Variants in ZNF90 observed in about 807,000 individuals in gnomAD.
ZNF90 encodes zinc finger protein 90, also known as zinc finger protein HTF9.
In ZNF90, 11 loss-of-function variants were observed where a neutral mutation model predicts 12.0. The ratio of observed to expected loss-of-function variants is 0.92; its 90% confidence interval spans 0.58 to 1.52. ZNF90 has a LOEUF of 1.52. ZNF90 is among the 40% of genes most tolerant of loss of function. ZNF90 has a pLI of 0.00. For missense variants in ZNF90, 765 were observed against 711.5 expected, an observed-to-expected ratio of 1.08 and a Z score of -0.86; for synonymous variants, 232 against 240.1, an observed-to-expected ratio of 0.97 and a Z score of 0.31.
intron 1 of ZNF90, among the ~76,000 whole-genome samples, chr19:20,084,561 G>A (rs188889370): frequency 1.3e-4 from 20 of 152,224 alleles, no homozygotes; most frequent in African/African-American, 3.4e-4. Flanking sequence ...GTGAGGAATC[G>A]CCACACTGCT....
chr19:20,118,029 A>T lies in ZNF90; in HGVS notation c.475A>T (p.Asn159Tyr). The T allele has an allele frequency of 6.2e-7, 1 of 1,611,992 alleles. No individual in the cohort carries two copies. Among genetic ancestry groups the T allele is most frequent in the Non-Finnish European group, 8.5e-7 (1 of 1,178,916 alleles). The change falls in exon 4 of 4, where the codon AAT becomes TAT. Residue 159 changes from asparagine to tyrosine, a missense_variant. Transcript: ENST00000418063. ...TGTGAAAGTCTCTCATATATTTTCAAATTCAAACAGACATAAGATAAGAGA... is the reference window on the plus strand; with the variant it reads ...TGTGAAAGTCTCTCATATATTTTCATATTCAAACAGACATAAGATAAGAGA... Reference protein sequence around the residue: ...TYVKVSHIFSNSNRHKIRDTG... With the variant: ...TYVKVSHIFSYSNRHKIRDTG...
rs1294193094 is a variant in ZNF90, at chr19:20,118,194, T to G, written c.640T>G (p.Ser214Ala). The change falls in exon 4 of 4, where the codon TCA becomes GCA. Residue 214 changes from serine to alanine, a missense_variant. Ser to Ala is a moderately conservative substitution (Grantham distance 99, BLOSUM62 1). Coordinates refer to ENST00000418063, the MANE Select transcript of ZNF90 (RefSeq NM_007138.2). Reference protein sequence around the residue: ...EECGKAFNRSSHLTSHKRIHT... With the variant: ...EECGKAFNRSAHLTSHKRIHT... ...ATGTGGCAAAGCCTTCAACAGGTCCTCACACCTTACTTCACATAAGAGAAT... is the reference window on the plus strand; with the variant it reads ...ATGTGGCAAAGCCTTCAACAGGTCCGCACACCTTACTTCACATAAGAGAAT... 6.2e-7 allele frequency: 1 copy of G among 1,612,284 alleles called. No individual in the cohort carries two copies. Among genetic ancestry groups the G allele is most frequent in the Non-Finnish European group, 8.5e-7 (1 of 1,179,006 alleles).
chr19:20,089,238 T>C (rs933205119), intron 1 of ZNF90, among the ~76,000 whole-genome samples: 5 of 152,062 alleles, frequency 3.3e-5, no homozygotes, highest in African/African-American at 1.2e-4. Flanking sequence ...TGAGTATCTA[T>C]GAGCAACCTT....
In ZNF90 at chr19:20,078,029, A is replaced by C; in HGVS notation, c.-104A>C. 6.7e-7 allele frequency: 1 copy of C among 1,499,802 alleles called. No homozygotes were observed. The highest frequency in any genetic ancestry group is 1.1e-5 in the South Asian group (1 of 88,638). The allele number at this position is 1,499,802 out of a possible 1,614,324, so 92.9% of individuals were successfully genotyped here. A position where few individuals can be genotyped will look rare whatever the true frequency, so the allele number is the denominator to read the frequency against. On this transcript the variant is annotated 5_prime_UTR_variant, in exon 1 of 4. Transcript: ENST00000418063. The stretch of plus-strand genomic sequence containing the variant: ...TGTCTCTTGCTGCAGCTGGTGCTCC[A>C]AATCTGGTCTTAGCTGCTTCGTGTC...
chr19:20,082,011 G>A (rs1337988860), intron 1 of ZNF90, among the ~76,000 whole-genome samples: 1 of 151,820 alleles, frequency 6.6e-6, no homozygotes, highest in African/African-American at 2.4e-5. Flanking sequence ...TGATCCACCC[G>A]CCTCGGCCTC....
intron 1 of ZNF90, among the ~76,000 whole-genome samples, chr19:20,082,225 C>T (rs1453039520): frequency 6.6e-6 from 1 of 152,144 alleles, no homozygotes; most frequent in Non-Finnish European, 1.5e-5. Context: ...GGTCCTCCCA[C>T]TCTCCACCCT....
intron 1 of ZNF90, among the ~76,000 whole-genome samples, chr19:20,092,866 G>A (rs1045686387): frequency 3.3e-5 from 5 of 152,166 alleles, no homozygotes; most frequent in Non-Finnish European, 7.3e-5. Context: ...AAGATTCAAA[G>A]GAGGGGCTAC....
At position 20,105,283 on chromosome 19, in the gene ZNF90, G is replaced by T. The variant is rs782489496; in HGVS notation, c.193G>T (p.Val65Leu). ...GGAGCAAGGAAAAAAACCCTTCACTGTGAAGAGACATGAGATGATTGCCAA... is the reference window on the plus strand; with the variant it reads ...GGAGCAAGGAAAAAAACCCTTCACTTTGAAGAGACATGAGATGATTGCCAA... Reference protein sequence around the residue: ...CLEQGKKPFTVKRHEMIAKSP... With the variant: ...CLEQGKKPFTLKRHEMIAKSP... The change falls in exon 3 of 4, where the codon GTG (valine) becomes TTG (leucine). Residue 65 changes from valine (V) to leucine (L), a missense_variant. Transcript: ENST00000418063. 29 of 1,607,782 alleles carry T rather than the reference G, an allele frequency of 1.8e-5. No homozygotes were observed. In the East Asian group the frequency reaches 3.4e-4, roughly 19 times the overall value.
At position 20,119,574 on chromosome 19, in the gene ZNF90, C is replaced by A; in HGVS notation, c.*214C>A. 2.0e-6 allele frequency: 1 copy of A among 500,004 alleles called. No individual in the cohort carries two copies. Among genetic ancestry groups the A allele is most frequent in the Non-Finnish European group, 3.5e-6 (1 of 288,012 alleles). The allele number at this position is 500,004 out of a possible 1,614,324, so 31.0% of individuals were successfully genotyped here. On this transcript the variant is annotated 3_prime_UTR_variant, in exon 4 of 4. Coordinates refer to ENST00000418063, the MANE Select transcript of ZNF90 (RefSeq NM_007138.2). ...ACACATAATTCATACTGGACGGAAA[C>A]TCTACAGGTGTGAAAAATGCAGCAA...
At chr19:20,086,034 CTGA>C in intron 1 of ZNF90, among the ~76,000 whole-genome samples, 1 of 152,108 alleles carries the variant, frequency 6.6e-6, no homozygotes. Context: ...TGTCAGAAAC[CTGA>C]TGATCCAAGG....
chr19:20,098,046 G>A (rs2088962185), intron 1 of ZNF90, among the ~76,000 whole-genome samples: 1 of 152,078 alleles, frequency 6.6e-6, no homozygotes, highest in South Asian at 2.1e-4. Flanking sequence ...TTGCTCCCAG[G>A]TTATAATCCA....
At chr19:20,092,489 A>G (rs1555702826) in intron 1 of ZNF90, among the ~76,000 whole-genome samples, 1 of 152,132 alleles carries the variant, frequency 6.6e-6, no homozygotes, top group Non-Finnish European at 1.5e-5. Context: ...GAGAGCTAGA[A>G]TAGGGGCAGT....
intron 1 of ZNF90, among the ~76,000 whole-genome samples, chr19:20,091,609 A>T (rs1170997667): frequency 6.6e-6 from 1 of 152,190 alleles, no homozygotes; most frequent in East Asian, 1.9e-4. Context: ...CAGCATAAGC[A>T]TTGCCTAGAG....
At chr19:20,091,776 G>A (rs2088904684) in intron 1 of ZNF90, among the ~76,000 whole-genome samples, 1 of 152,198 alleles carries the variant, frequency 6.6e-6, no homozygotes, top group Non-Finnish European at 1.5e-5. Context: ...ATGACTGCAT[G>A]GTGCTGCAGA....
At chr19:20,096,730 C>T (rs576169740) in intron 1 of ZNF90, among the ~76,000 whole-genome samples, 86 of 152,260 alleles carry the variant, frequency 5.6e-4, no homozygotes, top group Middle Eastern at 3.4e-3. Flanking sequence ...TGGGCATATA[C>T]GTGCAGGTCA....
At chr19:20,111,838 G>A (rs2089091673) in intron 3 of ZNF90, among the ~76,000 whole-genome samples, 1 of 151,078 alleles carries the variant, frequency 6.6e-6, no homozygotes, top group South Asian at 2.1e-4. Context: ...TATTTTATAT[G>A]CTGTATTTAT....
At chr19:20,109,033 T>G (rs186871636) in intron 3 of ZNF90, among the ~76,000 whole-genome samples, 1 of 152,298 alleles carries the variant, frequency 6.6e-6, no homozygotes, top group East Asian at 1.9e-4. Context: ...TCAGTGTAGG[T>G]TTCTTAACAT....
chr19:20,119,543 C>G lies in ZNF90; in HGVS notation c.*183C>G, dbSNP rs1025485623. ...AATCATTTTAAGGAAGTTCTCAACC[C>G]TTACTACACATAATTCATACTGGAC... On this transcript the variant is annotated 3_prime_UTR_variant, in exon 4 of 4. Transcript: ENST00000418063. 19 of 601,186 alleles carry G rather than the reference C, an allele frequency of 3.2e-5. No individual in the cohort carries two copies. The highest frequency in any genetic ancestry group is 5.1e-5 in the Non-Finnish European group (18 of 351,940). 37.2% of individuals were successfully genotyped at this position (601,186 alleles called of 1,614,324 possible).
intron 1 of ZNF90, among the ~76,000 whole-genome samples, chr19:20,084,972 C>T (rs1463202364): frequency 1.3e-5 from 2 of 152,068 alleles, no homozygotes; most frequent in Non-Finnish European, 2.9e-5. Flanking sequence ...TTGGTAGCTT[C>T]CTCATGAAGT....
Sources: gnomAD v4.1 joint callset for allele counts (sites outside exome capture counted in the v4.1 genomes callset) on GRCh38, gnomAD v4.1.1 for gene constraint, MANE v1.5 for transcripts, NCBI Gene and HGNC (gene_info 2026-07-23, HGNC 2026-07-21) for gene names.